The following SASH1 variants were observed in gnomAD, a reference collection of about 807,000 sequenced individuals.
SASH1 encodes SAM and SH3 domain-containing protein 1.
In SASH1, 44 loss-of-function variants were observed where a neutral mutation model predicts 125.2. That is an observed-to-expected ratio of 0.35 (90% confidence interval 0.28 to 0.45). The LOEUF (loss-of-function observed/expected upper bound fraction) is 0.45. Among genes scored for constraint, SASH1 ranks in the 20% least tolerant of loss-of-function variants. The pLI, the probability that SASH1 is intolerant of heterozygous loss-of-function variation, is 1.00. For missense variants in SASH1, 1,426 were observed against 1,614.5 expected, an observed-to-expected ratio of 0.88 and a Z score of 2.00; for synonymous variants, 639 against 649.1, an observed-to-expected ratio of 0.98 and a Z score of 0.24.
chr6:148,343,055 G>A lies in SASH1; in HGVS notation c.-13G>A. ...GGGGACTGGGACGCACGGCCCGCGC[G>A]CGGGACACGGCCATGGAGGACGCGG... On this transcript the variant is annotated 5_prime_UTR_variant, in exon 1 of 20. Coordinates refer to ENST00000367467, the MANE Select transcript of SASH1 (RefSeq NM_015278.5). The A allele has an allele frequency of 9.3e-6, 12 of 1,286,968 alleles. No homozygotes were observed. The highest frequency in any genetic ancestry group is 1.2e-5 in the Non-Finnish European group (12 of 1,020,510). The allele number at this position is 1,286,968 out of a possible 1,614,324, so 79.7% of individuals were successfully genotyped here.
chr6:148,398,733 A>G (rs1784051340), intron 2 of SASH1, among the ~76,000 whole-genome samples: 1 of 152,184 alleles, frequency 6.6e-6, no homozygotes, highest in Non-Finnish European at 1.5e-5. Flanking sequence ...GCTTTGGGCT[A>G]CAGCTGATTT....
At chr6:148,387,564 TTCTCTTTCTTTCTTTC>T (rs1562370790) in intron 1 of SASH1, among the ~76,000 whole-genome samples, 8 of 142,272 alleles carry the variant, frequency 5.6e-5, no homozygotes, top group East Asian at 2.2e-4. Flanking sequence ...TTTCTTTCTT[TTCTCTTTCTTTCTTTC>T]TTTCTTTCTT....
intron 4 of SASH1, among the ~76,000 whole-genome samples, chr6:148,455,035 A>C (rs1285584644): frequency 6.6e-6 from 1 of 152,172 alleles, no homozygotes; most frequent in Non-Finnish European, 1.5e-5. Flanking sequence ...CCTCACTTGC[A>C]GTATTGCTTA....
At chr6:148,308,686 G>A (rs913748240) in intron 1 of SASH1, among the ~76,000 whole-genome samples, 2 of 148,996 alleles carry the variant, frequency 1.3e-5, no homozygotes, top group African/African-American at 2.5e-5. Context: ...GTGAGCCACC[G>A]CACCTGGCAA....
At chr6:148,349,973 G>A (rs1328084950) in intron 1 of SASH1, among the ~76,000 whole-genome samples, 2 of 151,760 alleles carry the variant, frequency 1.3e-5, no homozygotes, top group African/African-American at 2.4e-5. Context: ...AGCCTCCTGC[G>A]CAGCTGGGAC....
chr6:148,396,942 T>A (rs1783980512), intron 2 of SASH1, among the ~76,000 whole-genome samples: 1 of 152,214 alleles, frequency 6.6e-6, no homozygotes, highest in Non-Finnish European at 1.5e-5. Flanking sequence ...CGTTCCTTTC[T>A]GTTCTGAGTT....
chr6:148,367,707 G>C (rs938418617), intron 1 of SASH1, among the ~76,000 whole-genome samples: 1 of 152,234 alleles, frequency 6.6e-6, no homozygotes, highest in Non-Finnish European at 1.5e-5. Context: ...CCCCAGGTTG[G>C]GGTGATGGAG....
chr6:148,416,635 C>T (rs576527784), intron 2 of SASH1, among the ~76,000 whole-genome samples: 4 of 152,182 alleles, frequency 2.6e-5, no homozygotes, highest in African/African-American at 4.8e-5. Context: ...CCTGCACACA[C>T]GCCACCAGCT....
chr6:148,238,107 A>G, the SASH1 span, among the ~76,000 whole-genome samples: 1 of 152,114 alleles, frequency 6.6e-6, no homozygotes, highest in Non-Finnish European at 1.5e-5. Flanking sequence ...TTTTTACTCA[A>G]ATGTAACCTT....
rs371864286 is a variant in SASH1, at chr6:148,278,798, T to C, written n.74+6421T>C. On this transcript the variant is annotated intron_variant and non_coding_transcript_variant, in intron 1 of 3. Coordinates refer to the SASH1 transcript ENST00000367469. ...GTATTTCTTAAATAGTTAAAAAAAA[T>C]CTGCAAGTGCAATAAATACGTAATA... The C allele has an allele frequency of 1.4e-4, 22 of 152,218 alleles. No individual in the cohort carries two copies. In the East Asian group the frequency reaches 2.9e-3, roughly 20 times the overall value. The allele number at this position is 152,218 out of a possible 1,614,324, so 9.4% of individuals were successfully genotyped here.
At chr6:148,339,453 T>C (rs1439152201), upstream of SASH1, among the ~76,000 whole-genome samples, 1 of 151,984 alleles carries the variant, frequency 6.6e-6, no homozygotes, top group Non-Finnish European at 1.5e-5. Context: ...ATATCTAGAA[T>C]AGGTTGATTT....
chr6:148,306,814 C>G (rs1780140260), intron 1 of SASH1, among the ~76,000 whole-genome samples: 1 of 152,070 alleles, frequency 6.6e-6, no homozygotes. Flanking sequence ...CAGCTGCACT[C>G]AAGAATTGGG....
Position 148,550,481 on chromosome 6 carries a change from T to G in SASH1, c.*1923T>G, listed in dbSNP as rs1782822613. 1 of 152,248 alleles carries G rather than the reference T, an allele frequency of 6.6e-6. No homozygotes were observed. The allele number at this position is 152,248 out of a possible 1,614,324, so 9.4% of individuals were successfully genotyped here. A position where few individuals can be genotyped will look rare whatever the true frequency, so the allele number is the denominator to read the frequency against. On this transcript the variant is annotated 3_prime_UTR_variant, in exon 20 of 20. Transcript: ENST00000367467. ...ATTCTCAGGTGATGTATTTTTTTCA[T>G]GCATTAGTATGCATTTTTAAAAAAT... is the stretch of plus-strand genomic sequence containing the variant.
the SASH1 span, among the ~76,000 whole-genome samples, chr6:148,207,281 G>C: frequency 6.6e-6 from 1 of 152,230 alleles, no homozygotes; most frequent in South Asian, 2.1e-4. Context: ...TAATGTGCCA[G>C]TGTGACTTAG....
chr6:148,401,253 CAAAA>C (rs34170572), intron 2 of SASH1, among the ~76,000 whole-genome samples: 2 of 112,230 alleles, frequency 1.8e-5, no homozygotes, highest in East Asian at 2.5e-4. Flanking sequence ...GACCCTATCT[CAAAA>C]AAAAAAAAAA....
chr6:148,411,463 C>T (rs1784629295), intron 2 of SASH1, among the ~76,000 whole-genome samples: 1 of 152,084 alleles, frequency 6.6e-6, no homozygotes, highest in Admixed American at 6.6e-5. Context: ...TGTATCTAAA[C>T]TTTATAAAAG....
rs368308178 is a variant in SASH1, at chr6:148,531,520, T to C, written c.1429-6T>C. 12 of 1,504,200 alleles carry C rather than the reference T, an allele frequency of 8.0e-6. No individual in the cohort carries two copies. Among genetic ancestry groups the C allele is most frequent in the Middle Eastern group, 3.5e-4 (2 of 5,648 alleles). 93.2% of individuals were successfully genotyped at this position (1,504,200 alleles called of 1,614,324 possible). ...AACTTCTTCATTTTGTTGAAACCCA[T>C]GGCAGGACTCGGGCCTTGATGGAAT... On this transcript the variant is annotated splice_region_variant and splice_polypyrimidine_tract_variant and intron_variant, in intron 12 of 19. Coordinates refer to ENST00000367467, the MANE Select transcript of SASH1 (RefSeq NM_015278.5).
chr6:148,317,177 T>C (rs1263163374), intron 1 of SASH1, among the ~76,000 whole-genome samples: 7 of 152,206 alleles, frequency 4.6e-5, no homozygotes, highest in Non-Finnish European at 8.8e-5. Flanking sequence ...TTGCTTATAT[T>C]ACTGACCAAA....
At chr6:148,244,886 G>GGGCCTGA in the SASH1 span, among the ~76,000 whole-genome samples, 1 of 151,266 alleles carries the variant, frequency 6.6e-6, no homozygotes, top group Non-Finnish European at 1.5e-5. Flanking sequence ...CTGGGGCCTG[G>GGGCCTGA]GGCCTGAGGC....
Sources: allele counts gnomAD v4.1 joint callset (sites outside exome capture counted in the v4.1 genomes callset), GRCh38; gene constraint gnomAD v4.1.1; transcripts MANE v1.5; gene names NCBI Gene and HGNC (gene_info 2026-07-23, HGNC 2026-07-21).